Variants in KCNQ1 observed in about 807,000 individuals in gnomAD.
The protein encoded by KCNQ1 is potassium voltage-gated channel subfamily KQT member 1.
KCNQ1 carries 49 observed loss-of-function variants against 72.4 expected under a neutral mutation model. That is an observed-to-expected ratio of 0.68 (90% CI 0.54 to 0.86). KCNQ1 has a LOEUF of 0.86. Ranked by LOEUF, KCNQ1 falls within the 40% of genes least tolerant of loss-of-function variation. The pLI is 0.00. For missense variants in KCNQ1, 790 were observed against 945.1 expected, an observed-to-expected ratio of 0.84 and a Z score of 2.15; for synonymous variants, 450 against 412.6, an observed-to-expected ratio of 1.09 and a Z score of -1.10.
At position 2,848,300 on chromosome 11, in the gene KCNQ1, G is replaced by A. The variant is rs1291936810; in HGVS notation, c.*297G>A. 3 of 627,576 alleles carry A rather than the reference G, an allele frequency of 4.8e-6. No individual in the cohort carries two copies. The highest frequency in any genetic ancestry group is 4.4e-5 in the Admixed American group (2 of 45,864). 38.9% of individuals were successfully genotyped at this position (627,576 alleles called of 1,614,324 possible). A position where few individuals can be genotyped will look rare whatever the true frequency, so the allele number is the denominator to read the frequency against. The stretch of plus-strand genomic sequence containing the variant: ...ACTGGCATGGTGGTTGGGACCCAGT[G>A]GCAGGGCACAGGGCCTGGCCCATGT... On this transcript the variant is annotated 3_prime_UTR_variant, in exon 16 of 16. Transcript: ENST00000155840.
rs1392580481 is a variant in KCNQ1, at chr11:2,481,351, G to A, written c.386+35867G>A. Among the ~76,000 whole-genome samples, 4 of 152,090 alleles carry A rather than the reference G, an allele frequency of 2.6e-5. No homozygotes were observed. The highest frequency in any genetic ancestry group is 4.8e-5 in the African/African-American group (2 of 41,396). ...GTTTCCTGCTAGTCTTTTTCTCGGC[G>A]TGTGTGTGTGCGCGCGTGCATGCAC... On this transcript the variant is annotated intron_variant, in intron 1 of 15. Transcript: ENST00000155840. This position sits in a 1 kb window ranked among gnomAD's most constrained non-coding sequence, Gnocchi z 4.6.
At chr11:2,798,132 CACTTGTGGCCCA>C (rs141923219) in intron 15 of KCNQ1, among the ~76,000 whole-genome samples, 46,894 of 151,966 alleles carry the variant, frequency 0.31, 7,742 homozygotes, top group East Asian at 0.64. Context: ...TCAGTGCCCC[CACTTGTGGCCCA>C]GGCCCAAGCA....
At chr11:2,660,142 C>G in intron 10 of KCNQ1, 1 of 398,272 alleles carries the variant, frequency 2.5e-6, no homozygotes, top group African/African-American at 2.1e-5. Context: ...GAGATTTTCT[C>G]TTATGTTTTC....
At chr11:2,604,511 A>G (rs932109933) in intron 10 of KCNQ1, among the ~76,000 whole-genome samples, 1 of 151,938 alleles carries the variant, frequency 6.6e-6, no homozygotes, top group African/African-American at 2.4e-5. Context: ...AGAAAGAGAT[A>G]TGAAAACACA....
rs1158649875 is a variant in KCNQ1 at position 2,817,635 on chromosome 11, C to T, written c.1795-30132C>T. On this transcript the variant is annotated intron_variant, in intron 15 of 15. Transcript: ENST00000155840. The surrounding 1 kb of genome is among the most constrained non-coding windows in gnomAD (Gnocchi z 6.1). ...AGAGCCCTGGGCATTAACTCAGGGC[C>T]ATCACAGAGGTGGTGAGAGCTACCC... Among the ~76,000 whole-genome samples the T allele has an allele frequency of 1.4e-5, 2 of 144,260 alleles. No individual in the cohort carries two copies. Among genetic ancestry groups the T allele is most frequent in the Non-Finnish European group, 3.1e-5 (2 of 64,070 alleles). The allele number at this position is 144,260 out of a possible 152,430, so 94.6% of individuals were successfully genotyped here.
chr11:2,764,218 G>T lies in KCNQ1; in HGVS notation c.1515-4626G>T, dbSNP rs552305218. Among the ~76,000 whole-genome samples, 1 of 151,780 alleles carries T rather than the reference G, an allele frequency of 6.6e-6. No individual in the cohort carries two copies. The highest frequency in any genetic ancestry group is 1.9e-4 in the East Asian group (1 of 5,172). The stretch of plus-strand genomic sequence containing the variant: ...TTTGTCTTTTTTTTTTTTAGGTAAT[G>T]GAGTTTCTATTCCTAGTTTGCTGAG... On this transcript the variant is annotated intron_variant, in intron 11 of 15. Transcript: ENST00000155840. The surrounding 1 kb of genome is among the most constrained non-coding windows in gnomAD (Gnocchi z 4.8).
intron 1 of KCNQ1, among the ~76,000 whole-genome samples, chr11:2,449,844 A>G (rs1240524517): frequency 6.6e-6 from 1 of 152,294 alleles, no homozygotes; most frequent in Admixed American, 6.5e-5. Flanking sequence ...CGTCCTTGCC[A>G]GTGTGATCCA....
chr11:2,569,916 C>T (rs1470871581), intron 2 of KCNQ1, among the ~76,000 whole-genome samples: 1 of 152,182 alleles, frequency 6.6e-6, no homozygotes, highest in African/African-American at 2.4e-5. Flanking sequence ...GGAACCTCCG[C>T]CCTCTGGTGT....
At position 2,473,670 on chromosome 11, in the gene KCNQ1, C is replaced by G. The variant is rs540563978; in HGVS notation, c.386+28186C>G. Among the ~76,000 whole-genome samples the G allele has an allele frequency of 6.6e-6, 1 of 152,174 alleles. No homozygotes were observed. The highest frequency in any genetic ancestry group is 2.4e-5 in the African/African-American group (1 of 41,440). ...GGGCCTCAGTTGGCCTGGCCTGGCG[C>G]GGGGCTGCCAGCCAAGAGCCTTCCT... On this transcript the variant is annotated intron_variant, in intron 1 of 15. Transcript: ENST00000155840. The surrounding 1 kb of genome is among the most constrained non-coding windows in gnomAD (Gnocchi z 6.0).
Position 2,752,606 on chromosome 11 carries a change from G to C in KCNQ1, c.1515-16238G>C, listed in dbSNP as rs1846244499. On this transcript the variant is annotated intron_variant, in intron 11 of 15. Transcript: ENST00000155840. This position sits in a 1 kb window ranked among gnomAD's most constrained non-coding sequence, Gnocchi z 5.2. Reference sequence around the variant, plus strand: ...CAGCGGGCTGTGTCCTCACGTGGCAGAAGAGGCAAAAATAAGGTGCAAACA... The same window carrying C: ...CAGCGGGCTGTGTCCTCACGTGGCACAAGAGGCAAAAATAAGGTGCAAACA... Among the ~76,000 whole-genome samples the C allele has an allele frequency of 6.6e-6, 1 of 152,136 alleles. No individual in the cohort carries two copies. The highest frequency in any genetic ancestry group is 1.5e-5 in the Non-Finnish European group (1 of 68,040).
Position 2,588,603 on chromosome 11 carries a change from G to A in KCNQ1, c.1252-110G>A, listed in dbSNP as rs1848626711. 3.0e-6 allele frequency: 4 copies of A among 1,338,972 alleles called. No homozygotes were observed. Among genetic ancestry groups the A allele is most frequent in the Non-Finnish European group, 3.2e-6 (3 of 948,682 alleles). The allele number at this position is 1,338,972 out of a possible 1,614,324, so 82.9% of individuals were successfully genotyped here. ...CCAGGCCTCAGGTCCCTGTCCGGGT[G>A]TATGTGGCGGGGGCTGGGCTCGGGG... On this transcript the variant is annotated intron_variant, in intron 9 of 15. Transcript: ENST00000155840. The surrounding 1 kb of genome is among the most constrained non-coding windows in gnomAD (Gnocchi z 5.6).
rs1221831441 is a variant in KCNQ1, at chr11:2,620,029, G to C, written c.1393+31175G>C. ...GCCCACCTCTCCATTCCTCCCCCAA[G>C]TAGTCCCCAGTGTCTACTGATCATC... On this transcript the variant is annotated intron_variant, in intron 10 of 15. Transcript: ENST00000155840. This position sits in a 1 kb window ranked among gnomAD's most constrained non-coding sequence, Gnocchi z 4.5. 2.5e-6 allele frequency: 1 copy of C among 397,966 alleles called. No homozygotes were observed. Among genetic ancestry groups the C allele is most frequent in the African/African-American group, 2.1e-5 (1 of 48,424 alleles). The allele number at this position is 397,966 out of a possible 1,614,324, so 24.7% of individuals were successfully genotyped here. A position where few individuals can be genotyped will look rare whatever the true frequency, so the allele number is the denominator to read the frequency against.
At chr11:2,798,116 C>T (rs1847175631) in intron 15 of KCNQ1, among the ~76,000 whole-genome samples, 1 of 152,062 alleles carries the variant, frequency 6.6e-6, no homozygotes, top group African/African-American at 2.4e-5. Context: ...GCCCCTTTTC[C>T]CACCCTCAGT....
At chr11:2,796,829 A>T (rs908721958) in intron 15 of KCNQ1, among the ~76,000 whole-genome samples, 3 of 152,016 alleles carry the variant, frequency 2.0e-5, no homozygotes, top group Non-Finnish European at 4.4e-5. Context: ...CTCCTGCGCC[A>T]CCTGACAGAT....
Position 2,720,480 on chromosome 11 carries a change from G to A in KCNQ1, c.1515-48364G>A, listed in dbSNP as rs189602794. ...CTCTCGAAGCAGAGGCAGCCCCCTC[G>A]AAGCTCACCTGGCCTCTCTCTGTAA... On this transcript the variant is annotated intron_variant, in intron 11 of 15. Coordinates refer to ENST00000155840, the MANE Select transcript of KCNQ1 (RefSeq NM_000218.3). This position sits in a 1 kb window ranked among gnomAD's most constrained non-coding sequence, Gnocchi z 5.1. Among the ~76,000 whole-genome samples, 170 of 152,268 alleles carry A rather than the reference G, an allele frequency of 1.1e-3. No homozygotes were observed. The highest frequency in any genetic ancestry group is 6.8e-3 in the Middle Eastern group (2 of 294).
At chr11:2,528,390 G>A (rs1847547488) in intron 2 of KCNQ1, among the ~76,000 whole-genome samples, 1 of 152,202 alleles carries the variant, frequency 6.6e-6, no homozygotes, top group Non-Finnish European at 1.5e-5. Flanking sequence ...TCTGTTCCTG[G>A]GTTATGGCTG....
chr11:2,502,122 C>G (rs1847025504), intron 1 of KCNQ1, among the ~76,000 whole-genome samples: 1 of 152,170 alleles, frequency 6.6e-6, no homozygotes, highest in South Asian at 2.1e-4. Context: ...GGCCTTTCCT[C>G]TAAGACCTGG....
At chr11:2,732,961 G>A (rs569156322) in intron 11 of KCNQ1, among the ~76,000 whole-genome samples, 2 of 152,276 alleles carry the variant, frequency 1.3e-5, no homozygotes, top group South Asian at 2.1e-4. Context: ...CCTGCTGGGG[G>A]CTGGTGACCA....
rs542170071 is a variant in KCNQ1, at chr11:2,715,603, C to T, written c.1515-53241C>T. The stretch of plus-strand genomic sequence containing the variant: ...CACCCCTGCTGGGGTCCCCTGGGAC[C>T]CATCCTTCCAAGCCCCTGCCAGCCT... On this transcript the variant is annotated intron_variant, in intron 11 of 15. Coordinates refer to ENST00000155840, the MANE Select transcript of KCNQ1 (RefSeq NM_000218.3). This position sits in a 1 kb window ranked among gnomAD's most constrained non-coding sequence, Gnocchi z 4.9. Among the ~76,000 whole-genome samples the T allele has an allele frequency of 1.2e-4, 18 of 152,264 alleles. No homozygotes were observed. In the South Asian group the frequency reaches 3.7e-3, roughly 32 times the overall value.
Sources: gnomAD v4.1 joint callset for allele counts (sites outside exome capture counted in the v4.1 genomes callset) on GRCh38, gnomAD v4.1.1 for gene constraint, Gnocchi (gnomAD v3.1) non-coding constraint, MANE v1.5 for transcripts, NCBI Gene and HGNC (gene_info 2026-07-23, HGNC 2026-07-21) for gene names.